Variants in ADARB2 observed in about 807,000 individuals in gnomAD.
The protein encoded by ADARB2 is inactive double-stranded RNA-specific editase B2.
A neutral mutation model predicts 62.2 loss-of-function variants in ADARB2; 25 were observed. The ratio of observed to expected loss-of-function variants is 0.40; its 90% CI spans 0.29 to 0.56. The LOEUF is 0.56. Ranked by LOEUF, ADARB2 falls within the 20% of genes least tolerant of loss-of-function variation. ADARB2 has a pLI of 0.43. For missense variants in ADARB2, 1,071 were observed against 1,077.4 expected (o/e 0.99, Z 0.08); for synonymous variants, 572 against 500.8 (o/e 1.14, Z -1.90).
intron 3 of ADARB2, among the ~76,000 whole-genome samples, chr10:1,327,882 G>A (rs77703751): frequency 0.051 from 2,849 of 55,508 alleles, 489 homozygotes; most frequent in African/African-American, 0.16. Context: ...ACAGCTCAGC[G>A]CCTCCTCACA....
intron 1 of ADARB2, among the ~76,000 whole-genome samples, chr10:1,639,734 C>T (rs11250691): frequency 0.29 from 44,517 of 151,902 alleles, 7,447 homozygotes; most frequent in East Asian, 0.44. Flanking sequence ...CCCAGCTACT[C>T]AGGAGGCTGA....
Position 1,363,607 on chromosome 10 carries a change from C to T in ADARB2, c.498G>A (p.Thr166=), listed in dbSNP as rs768253203. The T allele has an allele frequency of 8.1e-6, 13 of 1,601,894 alleles. No homozygotes were observed. Among genetic ancestry groups the T allele is most frequent in the Non-Finnish European group, 1.1e-5 (13 of 1,174,444 alleles). ...TCTTGGTGGGGCCTGTGCCCTCGAA[C>T]GTGAGCCCGTTCACCTCCACCGCTA... ...FAVAVEVNGL[T]FEGTGPTKKK... The change falls in exon 3 of 10, where the codon ACG becomes ACA. Residue 166 remains threonine (T), a synonymous_variant. Transcript: ENST00000381312.
chr10:1,193,271 C>T (rs1368616176), intron 8 of ADARB2, among the ~76,000 whole-genome samples: 4 of 152,260 alleles, frequency 2.6e-5, no homozygotes, highest in African/African-American at 4.8e-5. Flanking sequence ...GGAGGATGGA[C>T]GACCGCTCAG....
At chr10:1,633,910 C>A (rs938590592) in intron 1 of ADARB2, among the ~76,000 whole-genome samples, 6 of 152,146 alleles carry the variant, frequency 3.9e-5, no homozygotes, top group Non-Finnish European at 8.8e-5. Flanking sequence ...ACCATGTGAA[C>A]CCGCATGTCC....
At chr10:1,675,458 G>A (rs1032364895) in intron 1 of ADARB2, 16 of 978,914 alleles carry the variant, frequency 1.6e-5, no homozygotes, top group Admixed American at 1.3e-4. Flanking sequence ...GTGCATGGAT[G>A]TTCTGGAGGT....
In ADARB2 at chr10:1,394,969, G is replaced by C; in HGVS notation, c.101-15809C>G. ...AAGATCTTGCTCTGTCCCCAGGCTG[G>C]AGTGCAGTGGCACAATCACAGCTCC... On this transcript the variant is annotated intron_variant, in intron 1 of 9. Coordinates refer to ENST00000381312, the MANE Select transcript of ADARB2 (RefSeq NM_018702.4). 3 of 454,578 alleles carry C rather than the reference G, an allele frequency of 6.6e-6. No individual in the cohort carries two copies. In the Admixed American group the frequency reaches 7.0e-5, roughly 11 times the overall value. 28.2% of individuals were successfully genotyped at this position (454,578 alleles called of 1,614,324 possible). A position where few individuals can be genotyped will look rare whatever the true frequency, so the allele number is the denominator to read the frequency against.
intron 3 of ADARB2, among the ~76,000 whole-genome samples, chr10:1,339,326 A>G (rs1832001997): frequency 6.6e-6 from 1 of 152,234 alleles, no homozygotes; most frequent in African/African-American, 2.4e-5. Flanking sequence ...ATTGACCCGA[A>G]GTCTACGGGA....
intron 4 of ADARB2, among the ~76,000 whole-genome samples, chr10:1,267,130 C>T (rs1831212084): frequency 6.8e-6 from 1 of 147,378 alleles, no homozygotes; most frequent in Non-Finnish European, 1.5e-5. Context: ...ATTCTTAAAT[C>T]CAAGTTAAAA....
rs78110995 is a variant in ADARB2 at position 1,477,424 on chromosome 10, C to T, written c.101-98264G>A. On this transcript the variant is annotated intron_variant, in intron 1 of 9. Transcript: ENST00000381312. This position sits in a 1 kb window ranked among gnomAD's most constrained non-coding sequence, Gnocchi z 4.5. ...CCTCCAGCATGACCCTATACAGCTTCCTTCCAGCCCTGCTTCTTTGCAGAC... is the reference window on the plus strand; with the variant it reads ...CCTCCAGCATGACCCTATACAGCTTTCTTCCAGCCCTGCTTCTTTGCAGAC... Among the ~76,000 whole-genome samples, 88 of 152,318 alleles carry T rather than the reference C, an allele frequency of 5.8e-4. 1 individual carries two copies. The East Asian group carries it at 0.015, about 26-fold the overall frequency.
At chr10:1,195,380 C>T (rs1337934284) in intron 8 of ADARB2, among the ~76,000 whole-genome samples, 1 of 143,604 alleles carries the variant, frequency 7.0e-6, no homozygotes, top group Non-Finnish European at 1.5e-5. Flanking sequence ...TCTGTCAATG[C>T]TGTACACAGT....
At chr10:1,725,726 A>G (rs1835155455) in intron 1 of ADARB2, among the ~76,000 whole-genome samples, 1 of 152,252 alleles carries the variant, frequency 6.6e-6, no homozygotes, top group Non-Finnish European at 1.5e-5. Flanking sequence ...TCAGCCGCAG[A>G]TGCGTTTTTT....
At chr10:1,532,358 G>A (rs983525420) in intron 1 of ADARB2, among the ~76,000 whole-genome samples, 9 of 152,130 alleles carry the variant, frequency 5.9e-5, no homozygotes, top group African/African-American at 2.2e-4. Flanking sequence ...ATCTGAAAGC[G>A]TGGGAACCAA....
chr10:1,267,359 T>G (rs1831214795), intron 4 of ADARB2, among the ~76,000 whole-genome samples: 1 of 152,138 alleles, frequency 6.6e-6, no homozygotes, highest in Non-Finnish European at 1.5e-5. Context: ...ATTCACAAAG[T>G]TGATCTCCCA....
intron 1 of ADARB2, among the ~76,000 whole-genome samples, chr10:1,586,710 A>C (rs2813392): frequency 0.52 from 79,419 of 152,046 alleles, 21,045 homozygotes; most frequent in East Asian, 0.67. Context: ...AGATTCCTGG[A>C]TTCTCTGCGA....
chr10:1,689,178 T>C (rs1834636389), intron 1 of ADARB2, among the ~76,000 whole-genome samples: 1 of 152,172 alleles, frequency 6.6e-6, no homozygotes. Flanking sequence ...AGGATGGTGC[T>C]TGTGCTGGAG....
intron 8 of ADARB2, among the ~76,000 whole-genome samples, chr10:1,194,474 CTCTA>C (rs751888671): frequency 1.4e-4 from 21 of 152,218 alleles, no homozygotes; most frequent in African/African-American, 2.9e-4. Context: ...ATCTATCAAT[CTCTA>C]TCTGTCATCT....
At chr10:1,533,801 G>A (rs556391527) in intron 1 of ADARB2, among the ~76,000 whole-genome samples, 28 of 152,258 alleles carry the variant, frequency 1.8e-4, no homozygotes, top group South Asian at 8.3e-4. Flanking sequence ...AGTCCTGTGC[G>A]GAAGAGAAGC....
At chr10:1,459,640 T>A (rs1831142300) in intron 1 of ADARB2, among the ~76,000 whole-genome samples, 1 of 152,224 alleles carries the variant, frequency 6.6e-6, no homozygotes, top group African/African-American at 2.4e-5. Context: ...CACATGCCTG[T>A]AATCCCAGGT....
At position 1,665,526 on chromosome 10, in the gene ADARB2, C is replaced by T. The variant is rs555653605; in HGVS notation, c.100+71525G>A. 5.9e-5 allele frequency among the ~76,000 whole-genome samples: 9 copies of T among 152,374 alleles called. No homozygotes were observed. In the East Asian group the frequency reaches 1.5e-3, roughly 26 times the overall value. ...GAGGCCCAGAGAGGGAATCCCCAGG[C>T]ACCCCACCCAGGCGGTGCATAGACA... On this transcript the variant is annotated intron_variant, in intron 1 of 9. Transcript: ENST00000381312.
Sources: allele counts gnomAD v4.1 joint callset (sites outside exome capture counted in the v4.1 genomes callset), GRCh38; gene constraint gnomAD v4.1.1; non-coding constraint Gnocchi (gnomAD v3.1); transcripts MANE v1.5; gene names NCBI Gene and HGNC (gene_info 2026-07-23, HGNC 2026-07-21).